The following CLASRP variants were observed in gnomAD, a reference collection of about 807,000 sequenced individuals.
CLASRP encodes the protein CLK4-associating serine/arginine rich protein.
A neutral mutation model predicts 99.9 loss-of-function variants in CLASRP; 52 were observed. The ratio of observed to expected loss-of-function variants is 0.52; its 90% CI spans 0.42 to 0.66. CLASRP has a LOEUF of 0.66. CLASRP is among the 30% of genes least tolerant of loss of function. CLASRP has a pLI of 0.00. For synonymous variants in CLASRP, 379 were observed against 373.0 expected, an observed-to-expected ratio of 1.02 and a Z score of -0.18; for missense variants, 848 against 999.2, an observed-to-expected ratio of 0.85 and a Z score of 2.04.
rs760807132 is a variant in CLASRP at position 45,052,215 on chromosome 19, A to G, written c.197+47A>G. ...GGGGAGTGTCTGAAGTCTGGGAGTCAAAACGGACCTGGGGTGGTGTAGAGT... is the reference window on the plus strand; with the variant it reads ...GGGGAGTGTCTGAAGTCTGGGAGTCGAAACGGACCTGGGGTGGTGTAGAGT... On this transcript the variant is annotated intron_variant, in intron 3 of 20. Coordinates refer to ENST00000221455, the MANE Select transcript of CLASRP (RefSeq NM_007056.3). 73 of 1,517,688 alleles carry G rather than the reference A, an allele frequency of 4.8e-5. No homozygotes were observed. The East Asian group carries it at 1.6e-3, about 34-fold the overall frequency. 94.0% of individuals were successfully genotyped at this position (1,517,688 alleles called of 1,614,324 possible). A position where few individuals can be genotyped will look rare whatever the true frequency, so the allele number is the denominator to read the frequency against.
In CLASRP at chr19:45,057,808, G is replaced by A. The variant is rs753433394; in HGVS notation, c.523G>A (p.Val175Ile). 6.8e-6 allele frequency: 11 copies of A among 1,613,984 alleles called. No homozygotes were observed. The highest frequency in any genetic ancestry group is 6.7e-5 in the Admixed American group (4 of 60,004). Residue 175 changes from valine (V) to isoleucine (I), a missense_variant, in exon 7 of 21, where the codon GTA becomes ATA. Around this residue, in one of 8 missense-constraint regions of CLASRP, gnomAD observed 119 missense variants for 170.2 expected, o/e 0.70. Transcript: ENST00000221455. ...CTACGAGGACAGCACGGTGGCCGAG[G>A]TAGAGAAGGCGGCAGAAAAGCCAGA... ...YTYEDSTVAE[V>I]EKAAEKPEEE...
rs971953318 is a variant in CLASRP, at chr19:45,060,285, G to C, written c.711-104G>C. On this transcript the variant is annotated intron_variant, in intron 8 of 20. Coordinates refer to ENST00000221455, the MANE Select transcript of CLASRP (RefSeq NM_007056.3). This position sits in a 1 kb window ranked among gnomAD's most constrained non-coding sequence, Gnocchi z 4.6. ...TGAATGAAAGATACCTCAGGCTGGCGTGGGGTGACTCAGGTCCCTCACTTT... is the reference window on the plus strand; with the variant it reads ...TGAATGAAAGATACCTCAGGCTGGCCTGGGGTGACTCAGGTCCCTCACTTT... 2 of 964,680 alleles carry C rather than the reference G, an allele frequency of 2.1e-6. No individual in the cohort carries two copies. Among genetic ancestry groups the C allele is most frequent in the Middle Eastern group, 2.1e-4 (1 of 4,824 alleles). 59.8% of individuals were successfully genotyped at this position (964,680 alleles called of 1,614,324 possible).
chr19:45,059,020 C>T (rs1600106409), intron 7 of CLASRP, among the ~76,000 whole-genome samples: 1 of 152,156 alleles, frequency 6.6e-6, no homozygotes, highest in African/African-American at 2.4e-5. Flanking sequence ...CTCTTTCCCT[C>T]CCTCCGTTCA....
At chr19:45,041,395 A>T (rs1018890696) in intron 2 of CLASRP, among the ~76,000 whole-genome samples, 1 of 152,130 alleles carries the variant, frequency 6.6e-6, no homozygotes, top group African/African-American at 2.4e-5. Flanking sequence ...ATACTCGGAC[A>T]GCTCCACTGG....
At chr19:45,047,552 CTG>C (rs1204445707) in intron 2 of CLASRP, 2 of 151,706 alleles carry the variant, frequency 1.3e-5, no homozygotes, top group Non-Finnish European at 2.9e-5. Context: ...GTGAAACCTT[CTG>C]TATTTTTGGT....
rs756183462 is a variant in CLASRP at position 45,053,197 on chromosome 19, A to T, written c.379+20A>T. 2.0e-5 allele frequency: 32 copies of T among 1,611,242 alleles called. 1 individual carries two copies. In the South Asian group the frequency reaches 3.4e-4, roughly 17 times the overall value. On this transcript the variant is annotated intron_variant, in intron 5 of 20. Transcript: ENST00000221455. The stretch of plus-strand genomic sequence containing the variant: ...CCGGCAGTGAGTGATCTGTGGGGGG[A>T]CGTGGGGTGTGGGGTTTGAGCCTGG...
At chr19:45,044,687 G>A (rs1019382836) in intron 2 of CLASRP, among the ~76,000 whole-genome samples, 4 of 152,048 alleles carry the variant, frequency 2.6e-5, no homozygotes, top group African/African-American at 9.7e-5. Context: ...GATGAGACCT[G>A]GGAGGGTGGG....
chr19:45,046,082 C>T (rs1351716618), intron 2 of CLASRP, among the ~76,000 whole-genome samples: 1 of 152,178 alleles, frequency 6.6e-6, no homozygotes, highest in Non-Finnish European at 1.5e-5. Flanking sequence ...TGTATGTGAA[C>T]GTGACCTGCA....
chr19:45,068,309 T>TATA, intron 15 of CLASRP, 111 bp from the exon 16 acceptor site: 1 of 651,148 alleles, frequency 1.5e-6, no homozygotes, highest in East Asian at 2.8e-5. Context: ...CCCACGTCGT[T>TATA]CTCCCCCCCC....
Position 45,067,936 on chromosome 19 carries a change from C to T in CLASRP, c.1668-79C>T. The T allele has an allele frequency of 9.4e-7, 1 of 1,063,036 alleles. No individual in the cohort carries two copies. The highest frequency in any genetic ancestry group is 1.5e-6 in the Non-Finnish European group (1 of 679,016). The allele number at this position is 1,063,036 out of a possible 1,614,324, so 65.9% of individuals were successfully genotyped here. On this transcript the variant is annotated intron_variant, in intron 14 of 20. Coordinates refer to ENST00000221455, the MANE Select transcript of CLASRP (RefSeq NM_007056.3). This position sits in a 1 kb window ranked among gnomAD's most constrained non-coding sequence, Gnocchi z 4.9. ...ATGCCTTGGCTACCTGGTCTGAGGG[C>T]AGTGCTGAGGCTGGGGTCAGAGGTG...
chr19:45,066,622 CAAAAAAAAAAA>C (rs35834419), intron 13 of CLASRP, among the ~76,000 whole-genome samples: 7 of 18,640 alleles, frequency 3.8e-4, no homozygotes, highest in African/African-American at 9.2e-4. Flanking sequence ...GAGACTGTCT[CAAAAAAAAAAA>C]AAAAAAAAAA....
intron 13 of CLASRP, 33 bp downstream of exon 13, chr19:45,064,663 C>A: frequency 1.3e-6 from 2 of 1,508,556 alleles, no homozygotes; most frequent in South Asian, 1.3e-5. Flanking sequence ...GTGGGAGGGG[C>A]TGGGGGGGCG....
At chr19:45,039,365 A>AC (rs1555728760) in intron 1 of CLASRP, among the ~76,000 whole-genome samples, 1 of 148,890 alleles carries the variant, frequency 6.7e-6, no homozygotes, top group Non-Finnish European at 1.5e-5. Flanking sequence ...TCAAAAAAAA[A>AC]AACAACAAAA....
chr19:45,065,055 G>T (rs1024643973), intron 13 of CLASRP, among the ~76,000 whole-genome samples: 1 of 152,140 alleles, frequency 6.6e-6, no homozygotes, highest in Non-Finnish European at 1.5e-5. Context: ...GCGTTCCTGT[G>T]TGGCCAGGAG....
At position 45,064,477 on chromosome 19, in the gene CLASRP, C is replaced by G. The variant is rs1053824533; in HGVS notation, c.1256C>G (p.Ser419Cys). ...YRSGRHARSR[S>C]RSWSRSRSRS... ...TCCGGCCGCCACGCCCGCTCCCGGT[C>G]CCGCTCCTGGTCCCGCTCCCGCTCC... is the stretch of plus-strand genomic sequence containing the variant. Residue 419 changes from serine (S) to cysteine (C), a missense_variant, in exon 13 of 21, where the codon TCC becomes TGC. This residue lies in a region of CLASRP where 489 missense variants were observed against 434.7 expected (regional missense o/e 1.12). Coordinates refer to ENST00000221455, the MANE Select transcript of CLASRP (RefSeq NM_007056.3). 3.8e-5 allele frequency: 58 copies of G among 1,533,804 alleles called. No individual in the cohort carries two copies. The highest frequency in any genetic ancestry group is 5.0e-5 in the Non-Finnish European group (57 of 1,144,040).
At chr19:45,058,073 G>A (rs537008883) in intron 7 of CLASRP, 175 bp downstream of exon 7, 24 of 722,914 alleles carry the variant, frequency 3.3e-5, no homozygotes, top group South Asian at 1.5e-4. Context: ...CCTCCGTTCC[G>A]GCCTTCCTCT....
At chr19:45,063,436 CTTTTTTTTTTTTTTTT>C (rs565600159) in intron 11 of CLASRP, among the ~76,000 whole-genome samples, 2 of 42,348 alleles carry the variant, frequency 4.7e-5, no homozygotes, top group African/African-American at 1.7e-4. Context: ...ATCTGCTTAT[CTTTTTTTTTTTTTTTT>C]TTTTTTTTTT....
In CLASRP at chr19:45,055,985, G is replaced by T. The variant is rs548662328; in HGVS notation, c.380-465G>T. On this transcript the variant is annotated intron_variant, in intron 5 of 20. Transcript: ENST00000221455. ...CATTGTTGAGTCCCCCAGGCTGGGTGTTGGGGGTGCAGGAGAGCCCAGGTC... is the reference window on the plus strand; with the variant it reads ...CATTGTTGAGTCCCCCAGGCTGGGTTTTGGGGGTGCAGGAGAGCCCAGGTC... Among the ~76,000 whole-genome samples the T allele has an allele frequency of 3.9e-4, 59 of 152,294 alleles. No individual in the cohort carries two copies. The South Asian group carries it at 7.3e-3, about 19-fold the overall frequency.
At chr19:45,054,988 C>T (rs982210437) in intron 5 of CLASRP, among the ~76,000 whole-genome samples, 4 of 152,192 alleles carry the variant, frequency 2.6e-5, no homozygotes, top group Non-Finnish European at 4.4e-5. Flanking sequence ...GCCTTAGAAT[C>T]AGGGACATGT....
Sources: gnomAD v4.1 joint callset for allele counts (sites outside exome capture counted in the v4.1 genomes callset) on GRCh38, gnomAD v4.1.1 for gene constraint, gnomAD v4.1.1 regional missense constraint, Gnocchi (gnomAD v3.1) non-coding constraint, MANE v1.5 for transcripts, NCBI Gene and HGNC (gene_info 2026-07-23, HGNC 2026-07-21) for gene names.